The following MEI4 variants were observed in gnomAD, a reference collection of about 807,000 sequenced individuals.
MEI4 encodes the protein meiosis-specific protein MEI4.
Under a neutral mutation model 31.4 loss-of-function variants are expected in MEI4, and 27 were observed. The ratio of observed to expected loss-of-function variants is 0.86; its 90% CI spans 0.63 to 1.19. The LOEUF is 1.19. Ranked by LOEUF, MEI4 falls within the 50% of genes most tolerant of loss-of-function variation. The pLI is 0.00. For missense variants in MEI4, 329 were observed against 398.9 expected, an observed-to-expected ratio of 0.82 and a Z score of 1.49; for synonymous variants, 122 against 145.4, an observed-to-expected ratio of 0.84 and a Z score of 1.16.
upstream of MEI4, among the ~76,000 whole-genome samples, chr6:77,651,697 G>T (rs1398819310): frequency 6.6e-6 from 1 of 152,132 alleles, no homozygotes; most frequent in East Asian, 1.9e-4. Context: ...TCCTTCAGAA[G>T]AGTTTCAGAT....
chr6:77,805,666 T>A (rs1769411674), intron 3 of MEI4, among the ~76,000 whole-genome samples: 1 of 152,024 alleles, frequency 6.6e-6, no homozygotes, highest in Non-Finnish European at 1.5e-5. Flanking sequence ...CACCTTACAG[T>A]TTAAAAATCA....
intron 2 of MEI4, among the ~76,000 whole-genome samples, chr6:77,716,559 C>T (rs1766585996): frequency 6.6e-6 from 1 of 152,000 alleles, no homozygotes; most frequent in Admixed American, 6.6e-5. Flanking sequence ...GTGTGGAGTC[C>T]AGTTAAGAAT....
chr6:77,716,033 T>C (rs1240245570), intron 2 of MEI4, among the ~76,000 whole-genome samples: 3 of 152,210 alleles, frequency 2.0e-5, no homozygotes, highest in African/African-American at 4.8e-5. Flanking sequence ...TTAAAGAATA[T>C]TGTTATAAGA....
At chr6:77,795,412 C>A (rs1458325485) in intron 3 of MEI4, among the ~76,000 whole-genome samples, 3 of 152,016 alleles carry the variant, frequency 2.0e-5, no homozygotes, top group Non-Finnish European at 4.4e-5. Context: ...AAAATACAAG[C>A]CTTTTGTCCT....
intron 4 of MEI4, among the ~76,000 whole-genome samples, chr6:77,914,547 CT>C (rs1487656843): frequency 6.6e-6 from 1 of 151,974 alleles, no homozygotes; most frequent in Non-Finnish European, 1.5e-5. Context: ...ATAAGAATAA[CT>C]TATATTCATG....
intron 2 of MEI4, among the ~76,000 whole-genome samples, chr6:77,758,583 T>G (rs1767968497): frequency 6.6e-6 from 1 of 152,194 alleles, no homozygotes; most frequent in South Asian, 2.1e-4. Flanking sequence ...GAAATCTCCT[T>G]TAATTTCCTG....
intron 4 of MEI4, among the ~76,000 whole-genome samples, chr6:77,915,501 G>A (rs940454445): frequency 6.6e-6 from 1 of 151,912 alleles, no homozygotes; most frequent in African/African-American, 2.4e-5. Context: ...GAAATCCACT[G>A]TTCATATGGT....
intron 1 of MEI4, among the ~76,000 whole-genome samples, chr6:77,684,481 C>T (rs1769016186): frequency 6.6e-6 from 1 of 151,882 alleles, no homozygotes; most frequent in South Asian, 2.1e-4. Context: ...TTACCTATCC[C>T]CACCTTTCCC....
At chr6:77,911,963 C>T (rs1766444452) in intron 4 of MEI4, among the ~76,000 whole-genome samples, 1 of 151,708 alleles carries the variant, frequency 6.6e-6, no homozygotes, top group South Asian at 2.1e-4. Flanking sequence ...AGCTTCATGG[C>T]TTATATTTAA....
chr6:77,872,051 C>T (rs561237769), intron 4 of MEI4, among the ~76,000 whole-genome samples: 3 of 152,292 alleles, frequency 2.0e-5, no homozygotes, highest in East Asian at 3.9e-4. Context: ...TTGATCTTAA[C>T]ATTAAATTAT....
At chr6:77,655,657 A>C (rs1485732487) in intron 1 of MEI4, among the ~76,000 whole-genome samples, 1 of 152,072 alleles carries the variant, frequency 6.6e-6, no homozygotes, top group African/African-American at 2.4e-5. Flanking sequence ...TATTTTCTTT[A>C]GGTTTTCCTT....
intron 4 of MEI4, among the ~76,000 whole-genome samples, chr6:77,907,035 A>AT (rs70974692): frequency 0.8 from 119,166 of 149,154 alleles, 47,708 homozygotes; most frequent in African/African-American, 0.88. Context: ...GATCTTGGCT[A>AT]TTTTTTTTTT....
At chr6:77,791,479 A>G (rs1561990040) in intron 3 of MEI4, among the ~76,000 whole-genome samples, 2 of 140,154 alleles carry the variant, frequency 1.4e-5, no homozygotes, top group Admixed American at 1.6e-4. Flanking sequence ...GGAATTGAAC[A>G]ATGAGATCAC....
intron 2 of MEI4, among the ~76,000 whole-genome samples, chr6:77,759,414 C>A (rs1313743615): frequency 6.6e-6 from 1 of 152,092 alleles, no homozygotes; most frequent in Non-Finnish European, 1.5e-5. Context: ...TCAGTCTAGA[C>A]CTTCTCCCCA....
At chr6:77,883,744 A>ATAT (rs1491236242) in intron 4 of MEI4, among the ~76,000 whole-genome samples, 12 of 124,944 alleles carry the variant, frequency 9.6e-5, no homozygotes, top group East Asian at 2.6e-4. Context: ...ATATATATAT[A>ATAT]ACTTTGTCTT....
intron 4 of MEI4, among the ~76,000 whole-genome samples, chr6:77,855,397 G>T (rs1047307840): frequency 5.3e-5 from 8 of 152,098 alleles, no homozygotes; most frequent in African/African-American, 1.9e-4. Flanking sequence ...CCCTATGGAA[G>T]ATCTATTACT....
chr6:77,734,869 G>A (rs1023731439), intron 2 of MEI4, among the ~76,000 whole-genome samples: 1 of 151,598 alleles, frequency 6.6e-6, no homozygotes, highest in African/African-American at 2.4e-5. Flanking sequence ...GTCTGTAAAG[G>A]ATTTTATTTC....
intron 3 of MEI4, among the ~76,000 whole-genome samples, chr6:77,817,008 A>G (rs982530317): frequency 2.0e-5 from 3 of 150,904 alleles, no homozygotes; most frequent in South Asian, 2.1e-4. Context: ...GGATGACACT[A>G]TTGTGTGTGT....
intron 1 of MEI4, among the ~76,000 whole-genome samples, chr6:77,666,405 G>T (rs1332608015): frequency 6.6e-6 from 1 of 152,158 alleles, no homozygotes; most frequent in Non-Finnish European, 1.5e-5. Flanking sequence ...AAGTCACAGG[G>T]GATGCGATGG....
Sources: allele counts gnomAD v4.1 joint callset (sites outside exome capture counted in the v4.1 genomes callset), GRCh38; gene constraint gnomAD v4.1.1; transcripts MANE v1.5; gene names NCBI Gene and HGNC (gene_info 2026-07-23, HGNC 2026-07-21).